CAMSAP1: variants seen among roughly 807,000 people sequenced by gnomAD.
CAMSAP1 encodes the protein calmodulin-regulated spectrin-associated protein 1.
In CAMSAP1, 58 loss-of-function variants were observed where a neutral mutation model predicts 143.5. The observed-to-expected ratio is 0.40, with a 90% CI of 0.33 to 0.50. The LOEUF is 0.50. CAMSAP1 is among the 20% of genes least tolerant of loss of function. The probability of loss-of-function intolerance (pLI) is 0.45; values close to 1 mark genes in which losing one functional copy is unlikely to be tolerated. For missense variants in CAMSAP1, 1,969 were observed against 2,115.7 expected, an observed-to-expected ratio of 0.93 and a Z score of 1.36; for synonymous variants, 945 against 859.3, an observed-to-expected ratio of 1.10 and a Z score of -1.74.
At chr9:135,850,072 G>A in intron 7 of CAMSAP1, 65 bp downstream of exon 7, 1 of 1,310,076 alleles carries the variant, frequency 7.6e-7, no homozygotes, top group Non-Finnish European at 1.1e-6. Context: ...CCACTGGAGA[G>A]TGCTTTCTGA....
At chr9:135,829,797 G>A (rs771445508) in intron 7 of CAMSAP1, among the ~76,000 whole-genome samples, 28 of 151,876 alleles carry the variant, frequency 1.8e-4, no homozygotes, top group Non-Finnish European at 3.2e-4. Context: ...AGGTTGCAGC[G>A]AGCTGAGATT....
At chr9:135,847,355 G>A (rs191837162) in intron 7 of CAMSAP1, among the ~76,000 whole-genome samples, 23 of 151,648 alleles carry the variant, frequency 1.5e-4, no homozygotes, top group Non-Finnish European at 1.9e-4. Flanking sequence ...ACTCTGTCTC[G>A]AAAAAAATAA....
chr9:135,887,417 T>G (rs1471438027), intron 1 of CAMSAP1, among the ~76,000 whole-genome samples: 1 of 151,640 alleles, frequency 6.6e-6, no homozygotes, highest in African/African-American at 2.4e-5. Context: ...AGGAAGGAAG[T>G]GAGAACAGCG....
intron 4 of CAMSAP1, chr9:135,865,407 G>C (rs2130940813): frequency 6.5e-7 from 1 of 1,545,006 alleles, no homozygotes; most frequent in East Asian, 2.4e-5. Flanking sequence ...AGGAGCATCA[G>C]CAGAGCAGGT....
In CAMSAP1 at chr9:135,821,869, C is replaced by A; in HGVS notation, c.2792G>T (p.Arg931Met). 6.2e-7 allele frequency: 1 copy of A among 1,614,026 alleles called. No homozygotes were observed. The highest frequency in any genetic ancestry group is 8.5e-7 in the Non-Finnish European group (1 of 1,179,892). Reference protein sequence around the residue: ...KGKAEAAPPLRPEHFAKEYSQ... With the variant: ...KGKAEAAPPLMPEHFAKEYSQ... The stretch of plus-strand genomic sequence containing the variant: ...GTACTCCTTTGCAAAGTGCTCCGGC[C>A]TGAGGGGTGGGGCAGCCTCGGCCTT... The change falls in exon 11 of 17, where the codon AGG (arginine) becomes ATG (methionine). Residue 931 changes from arginine (R) to methionine (M), a missense_variant. By Grantham distance (91) the Arg-to-Met change is moderately conservative. This residue lies in a region of CAMSAP1 where 1,390 missense variants were observed against 1,420.8 expected (regional missense o/e 0.98). Transcript: ENST00000389532. The surrounding 1 kb of genome is among the most constrained non-coding windows in gnomAD (Gnocchi z 4.6).
At chr9:135,865,409 A>G in intron 4 of CAMSAP1, 1 of 1,543,976 alleles carries the variant, frequency 6.5e-7, no homozygotes, top group Middle Eastern at 1.7e-4. Flanking sequence ...GAGCATCAGC[A>G]GAGCAGGTCC....
chr9:135,820,887 G>C lies in CAMSAP1; in HGVS notation c.3774C>G (p.Asp1258Glu). ...GELVSLDGSA[D>E]LVSEGDQKPG... ...GCTTCTGGTCGCCTTCGCTGACAAG[G>C]TCCGCCGAGCCATCGAGGCTTACCA... The change falls in exon 11 of 17, where the codon GAC becomes GAG. Residue 1258 changes from aspartate to glutamate, a missense_variant. By Grantham distance (45) the Asp-to-Glu change is conservative (BLOSUM62 2). Transcript: ENST00000389532. The surrounding 1 kb of genome is among the most constrained non-coding windows in gnomAD (Gnocchi z 4.4). The C allele has an allele frequency of 6.2e-7, 1 of 1,613,606 alleles. No individual in the cohort carries two copies. Among genetic ancestry groups the C allele is most frequent in the Middle Eastern group, 1.6e-4 (1 of 6,062 alleles).
At chr9:135,895,353 G>C (rs912368862) in intron 1 of CAMSAP1, among the ~76,000 whole-genome samples, 1 of 152,280 alleles carries the variant, frequency 6.6e-6, no homozygotes, top group East Asian at 1.9e-4. Context: ...GGAATGGTAC[G>C]ATACATACAA....
At chr9:135,906,280 A>T (rs973364607) in intron 1 of CAMSAP1, among the ~76,000 whole-genome samples, 16 of 152,252 alleles carry the variant, frequency 1.1e-4, no homozygotes, top group African/African-American at 3.4e-4. Context: ...AAATGAAAAG[A>T]GGATTGCAGA....
Position 135,882,856 on chromosome 9 carries a change from G to A in CAMSAP1, c.383C>T (p.Pro128Leu), listed in dbSNP as rs1267682825. ...GCGACTGAGGTCGGACTCTGTCACG[G>A]GGGTGTCATCACTCTCCATCACATA... The part of the protein sequence containing the change: ...GIYVMESDDT[P>L]VTESDLSRAP... Residue 128 changes from proline to leucine, a missense_variant, in exon 2 of 17, where the codon CCC (proline) becomes CTC (leucine). By Grantham distance (98) the Pro-to-Leu change is moderately conservative. Transcript: ENST00000389532. The surrounding 1 kb of genome is among the most constrained non-coding windows in gnomAD (Gnocchi z 4.9). The A allele has an allele frequency of 6.4e-7, 1 of 1,551,292 alleles. No individual in the cohort carries two copies. Among genetic ancestry groups the A allele is most frequent in the African/African-American group, 1.4e-5 (1 of 73,032 alleles).
At position 135,883,098 on chromosome 9, in the gene CAMSAP1, A is replaced by C. The variant is rs1462817312; in HGVS notation, c.161-20T>G. 1 of 1,550,842 alleles carries C rather than the reference A, an allele frequency of 6.4e-7. No homozygotes were observed. Among genetic ancestry groups the C allele is most frequent in the South Asian group, 1.2e-5 (1 of 83,968 alleles). On this transcript the variant is annotated intron_variant, in intron 1 of 16. Coordinates refer to ENST00000389532, the MANE Select transcript of CAMSAP1 (RefSeq NM_015447.4). ...TGTTATCTAAGACAGGGAGGGGATG[A>C]CCAGGTGAGTGCCACACACAAGACC...
At chr9:135,887,059 A>C (rs753881552) in intron 1 of CAMSAP1, among the ~76,000 whole-genome samples, 1 of 152,152 alleles carries the variant, frequency 6.6e-6, no homozygotes, top group Non-Finnish European at 1.5e-5. Context: ...GACCAGCTGG[A>C]GACGTGCTTT....
Position 135,818,670 on chromosome 9 carries a change from G to A in CAMSAP1, c.3960-54C>T. 5 of 1,578,874 alleles carry A rather than the reference G, an allele frequency of 3.2e-6. No homozygotes were observed. Among genetic ancestry groups the A allele is most frequent in the South Asian group, 1.1e-5 (1 of 88,370 alleles). On this transcript the variant is annotated intron_variant, in intron 12 of 16. Coordinates refer to ENST00000389532, the MANE Select transcript of CAMSAP1 (RefSeq NM_015447.4). The surrounding 1 kb of genome is among the most constrained non-coding windows in gnomAD (Gnocchi z 7.7). ...TCGGTCACGGGGCTTCTTCCACGAC[G>A]CCTGCGCCGCGGCGCTCTGTCCAGG...
chr9:135,828,982 A>G (rs1835767131), intron 7 of CAMSAP1, among the ~76,000 whole-genome samples: 1 of 152,232 alleles, frequency 6.6e-6, no homozygotes, highest in Admixed American at 6.5e-5. Flanking sequence ...CACAGAGGAA[A>G]TAAAAACATT....
At chr9:135,828,424 G>A (rs1835750019) in intron 7 of CAMSAP1, among the ~76,000 whole-genome samples, 1 of 152,214 alleles carries the variant, frequency 6.6e-6, no homozygotes, top group African/African-American at 2.4e-5. Context: ...AGGGCTAAGA[G>A]GCAGCAACAT....
In CAMSAP1 at chr9:135,857,467, C is replaced by A. The variant is rs569374965; in HGVS notation, c.808+5000G>T. On this transcript the variant is annotated intron_variant, in intron 5 of 16. Coordinates refer to ENST00000389532, the MANE Select transcript of CAMSAP1 (RefSeq NM_015447.4). ...TTCTAAACAAGCTGTAGCACTCCAA[C>A]AGCTGTTCTGAGTCTGATGATTCTG... Among the ~76,000 whole-genome samples, 13 of 152,308 alleles carry A rather than the reference C, an allele frequency of 8.5e-5. No homozygotes were observed. In the South Asian group the frequency reaches 2.5e-3, roughly 29 times the overall value.
intron 3 of CAMSAP1, among the ~76,000 whole-genome samples, chr9:135,867,810 G>GT (rs1837432538): frequency 6.6e-6 from 1 of 152,244 alleles, no homozygotes; most frequent in Non-Finnish European, 1.5e-5. Context: ...GGGGAACCCT[G>GT]TAAGCAAGGG....
rs112145639 is a variant in CAMSAP1 at position 135,810,993 on chromosome 9, C to T, written c.*316G>A. ...CTTCAAGTAAGGGAGCTCCGTGGCC[C>T]GGGACCTGGCTGTGAACACCCTCCG... On this transcript the variant is annotated 3_prime_UTR_variant, in exon 17 of 17. Transcript: ENST00000389532. The T allele has an allele frequency of 1.3e-3, 467 of 357,992 alleles. 2 individuals carry two copies. Among genetic ancestry groups the T allele is most frequent in the Middle Eastern group, 4.0e-3 (5 of 1,252 alleles). 22.2% of individuals were successfully genotyped at this position (357,992 alleles called of 1,614,324 possible). A position where few individuals can be genotyped will look rare whatever the true frequency, so the allele number is the denominator to read the frequency against.
intron 7 of CAMSAP1, among the ~76,000 whole-genome samples, chr9:135,840,714 G>A (rs998280932): frequency 6.6e-6 from 1 of 152,222 alleles, no homozygotes; most frequent in African/African-American, 2.4e-5. Flanking sequence ...GCAGCCCACA[G>A]AGGGCAAGCA....
Sources: gnomAD v4.1 joint callset for allele counts (sites outside exome capture counted in the v4.1 genomes callset) on GRCh38, gnomAD v4.1.1 for gene constraint, gnomAD v4.1.1 regional missense constraint, Gnocchi (gnomAD v3.1) non-coding constraint, MANE v1.5 for transcripts, NCBI Gene and HGNC (gene_info 2026-07-23, HGNC 2026-07-21) for gene names.